Variants in GABBR1 observed in about 807,000 individuals in gnomAD.
GABBR1 encodes GABA-B receptor, R1 subunit.
GABBR1 carries 35 observed loss-of-function variants against 117.7 expected under a neutral mutation model. The ratio of observed to expected loss-of-function variants is 0.30; its 90% CI spans 0.23 to 0.39. GABBR1 has a LOEUF of 0.39. GABBR1 is among the 10% of genes least tolerant of loss of function. GABBR1 has a pLI of 1.00. For missense variants in GABBR1, 709 were observed against 1,241.8 expected, an observed-to-expected ratio of 0.57 and a Z score of 6.45; for synonymous variants, 442 against 486.6, an observed-to-expected ratio of 0.91 and a Z score of 1.21.
In GABBR1 at chr6:29,632,512, C is replaced by G. The variant is rs1055766955; in HGVS notation, c.1-127G>C. 108 of 971,928 alleles carry G rather than the reference C, an allele frequency of 1.1e-4. No individual in the cohort carries two copies. Among genetic ancestry groups the G allele is most frequent in the Non-Finnish European group, 1.4e-4 (102 of 706,160 alleles). The allele number at this position is 971,928 out of a possible 1,614,324, so 60.2% of individuals were successfully genotyped here. A position where few individuals can be genotyped will look rare whatever the true frequency, so the allele number is the denominator to read the frequency against. ...GGGCTCAGCCTGGGGACCAAGAGAGCGCCCCGCGGAGGAGGCGGGGGCGGA... is the reference window on the plus strand; with the variant it reads ...GGGCTCAGCCTGGGGACCAAGAGAGGGCCCCGCGGAGGAGGCGGGGGCGGA... On this transcript the variant is annotated intron_variant, in intron 1 of 22. Transcript: ENST00000377034. This position sits in a 1 kb window ranked among gnomAD's most constrained non-coding sequence, Gnocchi z 5.8.
chr6:29,606,359 T>G lies in GABBR1; in HGVS notation c.2311+32A>C. 6.6e-7 allele frequency: 1 copy of G among 1,517,184 alleles called. No homozygotes were observed. Among genetic ancestry groups the G allele is most frequent in the Non-Finnish European group, 9.2e-7 (1 of 1,092,356 alleles). 94.0% of individuals were successfully genotyped at this position (1,517,184 alleles called of 1,614,324 possible). A position where few individuals can be genotyped will look rare whatever the true frequency, so the allele number is the denominator to read the frequency against. On this transcript the variant is annotated intron_variant, in intron 19 of 22. Coordinates refer to ENST00000377034, the MANE Select transcript of GABBR1 (RefSeq NM_001470.4). The surrounding 1 kb of genome is among the most constrained non-coding windows in gnomAD (Gnocchi z 4.5). ...CTGCCTTCCCTCCTGCCTTTGTGCA[T>G]CCCTGCCCTCCTTTGCCCACATCCC...
Position 29,621,338 on chromosome 6 carries a change from T to G in GABBR1, c.1132-46A>C, listed in dbSNP as rs1379977180. 12 of 1,515,276 alleles carry G rather than the reference T, an allele frequency of 7.9e-6. No individual in the cohort carries two copies. Among genetic ancestry groups the G allele is most frequent in the Non-Finnish European group, 1.0e-5 (11 of 1,101,260 alleles). The allele number at this position is 1,515,276 out of a possible 1,614,324, so 93.9% of individuals were successfully genotyped here. A position where few individuals can be genotyped will look rare whatever the true frequency, so the allele number is the denominator to read the frequency against. Reference sequence around the variant, plus strand: ...CTGAGTTTTTGTTTGCTCATTTGTTTGTTTTTGTCTTATCTCACTTGATAC... The same window carrying G: ...CTGAGTTTTTGTTTGCTCATTTGTTGGTTTTTGTCTTATCTCACTTGATAC... On this transcript the variant is annotated intron_variant, in intron 10 of 22. Transcript: ENST00000377034. The surrounding 1 kb of genome is among the most constrained non-coding windows in gnomAD (Gnocchi z 5.0).
At chr6:29,625,816 T>TC (rs1341133195) in intron 6 of GABBR1, among the ~76,000 whole-genome samples, 1 of 152,038 alleles carries the variant, frequency 6.6e-6, no homozygotes, top group Non-Finnish European at 1.5e-5. Flanking sequence ...CACCCATCTC[T>TC]CCCTGTCATT....
chr6:29,613,538 G>C lies in GABBR1; in HGVS notation c.1324-53C>G. The C allele has an allele frequency of 6.3e-7, 1 of 1,583,742 alleles. No homozygotes were observed. The highest frequency in any genetic ancestry group is 8.6e-7 in the Non-Finnish European group (1 of 1,162,126). On this transcript the variant is annotated intron_variant, in intron 11 of 22. Coordinates refer to ENST00000377034, the MANE Select transcript of GABBR1 (RefSeq NM_001470.4). The surrounding 1 kb of genome is among the most constrained non-coding windows in gnomAD (Gnocchi z 4.1). ...AACTGAAATGTGTGTGGGTGTGGGG[G>C]AAGGGGTGCAATCCAATTCTGACTC... is the stretch of plus-strand genomic sequence containing the variant.
chr6:29,609,122 A>G lies in GABBR1; in HGVS notation c.1859+107T>C. On this transcript the variant is annotated intron_variant, in intron 15 of 22. Transcript: ENST00000377034. This position sits in a 1 kb window ranked among gnomAD's most constrained non-coding sequence, Gnocchi z 4.3. ...TCAACAAGTCAGAATGAAAAACTCCATGATACATGGCCATGGGAGTTACAC... is the reference window on the plus strand; with the variant it reads ...TCAACAAGTCAGAATGAAAAACTCCGTGATACATGGCCATGGGAGTTACAC... 2 of 1,093,622 alleles carry G rather than the reference A, an allele frequency of 1.8e-6. No individual in the cohort carries two copies. Among genetic ancestry groups the G allele is most frequent in the Non-Finnish European group, 2.6e-6 (2 of 756,108 alleles). The allele number at this position is 1,093,622 out of a possible 1,614,324, so 67.7% of individuals were successfully genotyped here.
At position 29,620,403 on chromosome 6, in the gene GABBR1, A is replaced by C. The variant is rs1001313825; in HGVS notation, c.1323+698T>G. Among the ~76,000 whole-genome samples the C allele has an allele frequency of 7.2e-5, 11 of 152,190 alleles. No individual in the cohort carries two copies. The highest frequency in any genetic ancestry group is 2.7e-4 in the African/African-American group (11 of 41,446). ...ACACATAGGTGGCCGTATCGAGCTT[A>C]CCCAAAATTCCTGTACTCTTTACAA... is the stretch of plus-strand genomic sequence containing the variant. On this transcript the variant is annotated intron_variant, in intron 11 of 22. Coordinates refer to ENST00000377034, the MANE Select transcript of GABBR1 (RefSeq NM_001470.4). The surrounding 1 kb of genome is among the most constrained non-coding windows in gnomAD (Gnocchi z 4.5).
rs1476579164 is a variant in GABBR1, at chr6:29,622,170, A to G, written c.999T>C (p.Ala333=). 6.2e-7 allele frequency: 1 copy of G among 1,614,162 alleles called. No individual in the cohort carries two copies. The highest frequency in any genetic ancestry group is 8.5e-7 in the Non-Finnish European group (1 of 1,180,012). The change falls in exon 9 of 23, where the codon GCT becomes GCC. Residue 333 remains alanine (A), a synonymous_variant. Coordinates refer to ENST00000377034, the MANE Select transcript of GABBR1 (RefSeq NM_001470.4). This position sits in a 1 kb window ranked among gnomAD's most constrained non-coding sequence, Gnocchi z 4.6. ...LDDLEERVKE[A]GIEITFRQSF... ...TCTGGCGGAAAGTAATCTCAATTCC[A>G]GCCTCCTTCACTCGTTCCTCCAGGT...
chr6:29,627,449 G>T lies in GABBR1; in HGVS notation c.657+37C>A. 7 of 1,204,800 alleles carry T rather than the reference G, an allele frequency of 5.8e-6. No individual in the cohort carries two copies. The highest frequency in any genetic ancestry group is 7.0e-6 in the Non-Finnish European group (6 of 855,864). The allele number at this position is 1,204,800 out of a possible 1,614,324, so 74.6% of individuals were successfully genotyped here. A position where few individuals can be genotyped will look rare whatever the true frequency, so the allele number is the denominator to read the frequency against. On this transcript the variant is annotated intron_variant, in intron 6 of 22. Transcript: ENST00000377034. The surrounding 1 kb of genome is among the most constrained non-coding windows in gnomAD (Gnocchi z 4.4). ...AGCTGGCTGGCCCCCTGCCCCGCAA[G>T]CCCCCACCTCCCACCCACCCCCATG...
rs757008467 is a variant in GABBR1, at chr6:29,630,589, G to A, written c.344C>T (p.Thr115Met). Residue 115 changes from threonine to methionine, a missense_variant, in exon 4 of 23, where the codon ACG (threonine) becomes ATG (methionine). Thr to Met is a moderately conservative substitution (Grantham distance 81, BLOSUM62 -1). This residue lies in a region of GABBR1 where 101 missense variants were observed against 132.3 expected (regional missense o/e 0.76). Transcript: ENST00000377034. This position sits in a 1 kb window ranked among gnomAD's most constrained non-coding sequence, Gnocchi z 4.9. ...GTCCAGAGCTGGGAGGTCCCCACCC[G>A]TCAGGAAAACCTTCCCATTTTCCAG... ...LTLENGKVFL[T>M]GGDLPALDGA... The A allele has an allele frequency of 3.0e-5, 48 of 1,612,940 alleles. No individual in the cohort carries two copies. In the South Asian group the frequency reaches 4.0e-4, roughly 13 times the overall value.
At chr6:29,612,518 C>G in intron 13 of GABBR1, 33 bp downstream of exon 13, 1 of 1,603,086 alleles carries the variant, frequency 6.2e-7, no homozygotes, top group Non-Finnish European at 8.5e-7. Flanking sequence ...AGCCTAGCCC[C>G]CATGTCCGGT....
Position 29,603,452 on chromosome 6 carries a change from C to G in GABBR1, c.*91G>C, listed in dbSNP as rs1310423447. ...AGATTGGATAGCATGTTCTTCCCAG[C>G]TGGGGATGGGGACCCCCTGCTTCCT... is the stretch of plus-strand genomic sequence containing the variant. On this transcript the variant is annotated 3_prime_UTR_variant, in exon 23 of 23. Transcript: ENST00000377034. The G allele has an allele frequency of 9.3e-7, 1 of 1,070,494 alleles. No individual in the cohort carries two copies. Among genetic ancestry groups the G allele is most frequent in the Non-Finnish European group, 1.4e-6 (1 of 708,264 alleles). 66.3% of individuals were successfully genotyped at this position (1,070,494 alleles called of 1,614,324 possible).
In GABBR1 at chr6:29,605,650, G is replaced by A. The variant is rs1292742470; in HGVS notation, c.2358C>T (p.Phe786=). The A allele has an allele frequency of 6.2e-7, 1 of 1,613,116 alleles. No individual in the cohort carries two copies. The highest frequency in any genetic ancestry group is 8.5e-7 in the Non-Finnish European group (1 of 1,180,020). The change falls in exon 20 of 23, where the codon TTC becomes TTT. Residue 786 remains phenylalanine (F), a synonymous_variant. Coordinates refer to ENST00000377034, the MANE Select transcript of GABBR1 (RefSeq NM_001470.4). The surrounding 1 kb of genome is among the most constrained non-coding windows in gnomAD (Gnocchi z 4.2). Reference sequence around the variant, plus strand: ...ACACACTCTTGGTCTCATAAGCAAGGAAGATTCCCAGCAGCAGCAGCAGCC... The same window carrying A: ...ACACACTCTTGGTCTCATAAGCAAGAAAGATTCCCAGCAGCAGCAGCAGCC... ...YKGLLLLLGI[F]LAYETKSVST...
At chr6:29,628,500 G>A (rs1018072785) in intron 5 of GABBR1, among the ~76,000 whole-genome samples, 3 of 152,060 alleles carry the variant, frequency 2.0e-5, no homozygotes, top group Non-Finnish European at 2.9e-5. Context: ...CGGAAGGGAG[G>A]CTGGTTTGAG....
rs1208800396 is a variant in GABBR1 at position 29,622,981 on chromosome 6, T to A, written c.963+324A>T. On this transcript the variant is annotated intron_variant, in intron 8 of 22. Transcript: ENST00000377034. The surrounding 1 kb of genome is among the most constrained non-coding windows in gnomAD (Gnocchi z 4.6). ...GGAATCTGCTGCCTTCCTGGATTCC[T>A]ATCTCATCTTCGCTCCCATCTCTTG... Among the ~76,000 whole-genome samples, 1 of 150,112 alleles carries A rather than the reference T, an allele frequency of 6.7e-6. No homozygotes were observed. The highest frequency in any genetic ancestry group is 6.6e-5 in the Admixed American group (1 of 15,076).
At position 29,607,183 on chromosome 6, in the gene GABBR1, C is replaced by T. The variant is rs1007482228; in HGVS notation, c.2028G>A (p.Leu676=). The change falls in exon 17 of 23, where the codon CTG becomes CTA. Residue 676 remains leucine, a synonymous_variant. Transcript: ENST00000377034. The surrounding 1 kb of genome is among the most constrained non-coding windows in gnomAD (Gnocchi z 5.0). ...RLWLLGLGFS[L]GYGSMFTKIW... is the part of the protein sequence containing the mutation. ...TCTTGGTGAACATGGAACCGTAGCC[C>T]AGACTAAAGCCCAGGCCCAGGAGCC... The T allele has an allele frequency of 1.2e-6, 2 of 1,614,096 alleles. No individual in the cohort carries two copies. The highest frequency in any genetic ancestry group is 1.7e-6 in the Non-Finnish European group (2 of 1,180,040).
chr6:29,629,051 C>G (rs1408966132), intron 5 of GABBR1, 36 bp downstream of exon 5: 1 of 1,611,854 alleles, frequency 6.2e-7, no homozygotes, highest in East Asian at 2.2e-5. Context: ...AAGGGGAGGG[C>G]ATTGCAGTGC....
At position 29,627,458 on chromosome 6, in the gene GABBR1, T is replaced by TCCCCCCC; in HGVS notation, c.657+27_657+28insGGGGGGG. On this transcript the variant is annotated intron_variant, in intron 6 of 22. Transcript: ENST00000377034. This position sits in a 1 kb window ranked among gnomAD's most constrained non-coding sequence, Gnocchi z 4.4. ...GCCCCCTGCCCCGCAAGCCCCCACC[T>TCCCCCCC]CCCACCCACCCCCATGTCCAGGGCT... 2.4e-6 allele frequency: 1 copy of TCCCCCCC among 409,638 alleles called. No individual in the cohort carries two copies. Among genetic ancestry groups the TCCCCCCC allele is most frequent in the Non-Finnish European group, 3.9e-6 (1 of 254,246 alleles). 25.4% of individuals were successfully genotyped at this position (409,638 alleles called of 1,614,324 possible).
chr6:29,613,574 A>G lies in GABBR1; in HGVS notation c.1324-89T>C. 1.2e-5 allele frequency: 17 copies of G among 1,446,750 alleles called. No individual in the cohort carries two copies. The highest frequency in any genetic ancestry group is 1.6e-5 in the Non-Finnish European group (17 of 1,057,592). The allele number at this position is 1,446,750 out of a possible 1,614,324, so 89.6% of individuals were successfully genotyped here. On this transcript the variant is annotated intron_variant, in intron 11 of 22. Transcript: ENST00000377034. This position sits in a 1 kb window ranked among gnomAD's most constrained non-coding sequence, Gnocchi z 4.1. ...ATCCAATTCTGACTCAATCACTTCT[A>G]CTTGAATGGATGGTTTGTGTTACTG...
intron 6 of GABBR1, among the ~76,000 whole-genome samples, chr6:29,626,974 G>A (rs1030621305): frequency 2.0e-5 from 3 of 152,038 alleles, no homozygotes; most frequent in Non-Finnish European, 4.4e-5. Flanking sequence ...TTGCTGTTTT[G>A]TTAAGATAAA....
Sources: gnomAD v4.1 joint callset for allele counts (sites outside exome capture counted in the v4.1 genomes callset) on GRCh38, gnomAD v4.1.1 for gene constraint, gnomAD v4.1.1 regional missense constraint, Gnocchi (gnomAD v3.1) non-coding constraint, MANE v1.5 for transcripts, NCBI Gene and HGNC (gene_info 2026-07-23, HGNC 2026-07-21) for gene names.